The following CEMIP variants were observed in gnomAD, a reference collection of about 807,000 sequenced individuals.
The protein encoded by CEMIP is cell migration inducing hyaluronidase 1.
A neutral mutation model predicts 156.9 loss-of-function variants in CEMIP; 105 were observed. The observed-to-expected ratio is 0.67, with a 90% CI of 0.57 to 0.79. The LOEUF (loss-of-function observed/expected upper bound fraction) is 0.79, where lower values mean the gene tolerates loss of function less well. CEMIP is among the 30% of genes least tolerant of loss of function. CEMIP has a pLI of 0.00. For synonymous variants in CEMIP, 676 were observed against 668.4 expected, an observed-to-expected ratio of 1.01 and a Z score of -0.17; for missense variants, 1,457 against 1,769.4, an observed-to-expected ratio of 0.82 and a Z score of 3.17.
intron 1 of CEMIP, among the ~76,000 whole-genome samples, chr15:80,791,518 C>T (rs533567436): frequency 1.3e-5 from 2 of 152,234 alleles, no homozygotes; most frequent in South Asian, 4.1e-4. Flanking sequence ...TTTCAGGGGT[C>T]TTGTGGTTCG....
intron 1 of CEMIP, among the ~76,000 whole-genome samples, chr15:80,839,805 TA>T (rs1212656451): frequency 3.3e-5 from 5 of 152,346 alleles, no homozygotes; most frequent in Admixed American, 1.3e-4. Context: ...TCTGGCTTTT[TA>T]TTTGTCCAAT....
In CEMIP at chr15:80,947,343, C is replaced by A. The variant is rs60362950; in HGVS notation, c.3958+278C>A. 6.2e-3 allele frequency: 2,701 copies of A among 436,098 alleles called. 69 individuals carry two copies. The highest frequency in any genetic ancestry group is 0.05 in the African/African-American group (2,502 of 50,392). The allele number at this position is 436,098 out of a possible 1,614,324, so 27.0% of individuals were successfully genotyped here. ...TTGACTCATTTGCTTGGAAAGTGGC[C>A]CTTTATTCAACAAAAGTATCATAAG... On this transcript the variant is annotated intron_variant, in intron 29 of 29. Transcript: ENST00000394685.
rs779742857 is a variant in CEMIP at position 80,932,066 on chromosome 15, C to A, written c.2793+27C>A. 3 of 1,609,438 alleles carry A rather than the reference C, an allele frequency of 1.9e-6. No individual in the cohort carries two copies. Among genetic ancestry groups the A allele is most frequent in the Non-Finnish European group, 1.7e-6 (2 of 1,179,584 alleles). On this transcript the variant is annotated intron_variant, in intron 22 of 29. Coordinates refer to ENST00000394685, the MANE Select transcript of CEMIP (RefSeq NM_001293298.2). This position sits in a 1 kb window ranked among gnomAD's most constrained non-coding sequence, Gnocchi z 4.5. ...TGAGTGAGGCGCCAGGGCAGACTCC[C>A]GGCAAACCCAGACTTTGGATGGTGA...
Position 80,884,247 on chromosome 15 carries a change from G to A in CEMIP, c.690G>A (p.Arg230=). ...ATTTGAACGCGGTGCCCGATGGCAG[G>A]ATCCTTTCTGTTGCAGTGAATGATG... ...VQYLNAVPDG[R]ILSVAVNDEG... is the part of the protein sequence containing the mutation. Residue 230 remains arginine (R), a synonymous_variant, in exon 7 of 30, where the codon AGG becomes AGA. Transcript: ENST00000394685. 1 of 1,614,204 alleles carries A rather than the reference G, an allele frequency of 6.2e-7. No individual in the cohort carries two copies. The highest frequency in any genetic ancestry group is 8.5e-7 in the Non-Finnish European group (1 of 1,180,034).
chr15:80,810,814 AT>A (rs1896653508), intron 1 of CEMIP, among the ~76,000 whole-genome samples: 2 of 151,218 alleles, frequency 1.3e-5, no homozygotes, highest in Non-Finnish European at 2.9e-5. Flanking sequence ...CCATCCATCC[AT>A]CCATCCATCC....
At chr15:80,887,509 G>C (rs767387310) in intron 7 of CEMIP, among the ~76,000 whole-genome samples, 185 bp from the exon 8 acceptor site, 14 of 152,172 alleles carry the variant, frequency 9.2e-5, no homozygotes, top group Non-Finnish European at 1.6e-4. Flanking sequence ...CCAGAGGAGT[G>C]CTTGCAAAGA....
intron 1 of CEMIP, among the ~76,000 whole-genome samples, chr15:80,803,981 A>C (rs1567053078): frequency 6.6e-6 from 1 of 152,238 alleles, no homozygotes; most frequent in African/African-American, 2.4e-5. Context: ...GGGAGGCCTC[A>C]CAATGATGGT....
chr15:80,835,514 G>C (rs1448473184), intron 1 of CEMIP, among the ~76,000 whole-genome samples: 1 of 152,240 alleles, frequency 6.6e-6, no homozygotes, highest in Non-Finnish European at 1.5e-5. Flanking sequence ...CAGCCTGCAG[G>C]GGCAGCCAAT....
At chr15:80,871,311 A>G (rs571576728) in intron 1 of CEMIP, among the ~76,000 whole-genome samples, 7 of 152,368 alleles carry the variant, frequency 4.6e-5, no homozygotes, top group Middle Eastern at 3.4e-3. Context: ...CCAGTGGCTT[A>G]GACAGCTGGC....
In CEMIP at chr15:80,950,396, G is replaced by A. The variant is rs916009319; in HGVS notation, c.*1472G>A. On this transcript the variant is annotated 3_prime_UTR_variant, in exon 30 of 30. Transcript: ENST00000394685. ...TCTGGAAATGGGGACAAGTCCCCTC[G>A]AAGGAAAGGAAATGACTAGAGTAGA... The A allele has an allele frequency of 2.6e-5, 4 of 152,258 alleles. No homozygotes were observed. The highest frequency in any genetic ancestry group is 7.2e-5 in the African/African-American group (3 of 41,442). 9.4% of individuals were successfully genotyped at this position (152,258 alleles called of 1,614,324 possible). A position where few individuals can be genotyped will look rare whatever the true frequency, so the allele number is the denominator to read the frequency against.
At chr15:80,827,369 G>T (rs1163028872) in intron 1 of CEMIP, among the ~76,000 whole-genome samples, 1 of 152,190 alleles carries the variant, frequency 6.6e-6, no homozygotes, top group Non-Finnish European at 1.5e-5. Flanking sequence ...GACCTGCACA[G>T]CATGTTAAAC....
chr15:80,884,397 G>T, intron 7 of CEMIP, 43 bp downstream of exon 7: 1 of 1,591,918 alleles, frequency 6.3e-7, no homozygotes, highest in Non-Finnish European at 8.6e-7. Flanking sequence ...CTGGAACATT[G>T]AAGCCACTCT....
At position 80,881,044 on chromosome 15, in the gene CEMIP, A is replaced by C. The variant is rs139680841; in HGVS notation, c.525A>C (p.Glu175Asp). ...CCCTTCACCCAGGTGGCATGGCAGA[A>C]GGAGGCTATTTTTTTGAAAGGAGCT... ...NKTLHPGGMA[E>D]GGYFFERSWG... Residue 175 changes from glutamate (E) to aspartate (D), a missense_variant, in exon 6 of 30, where the codon GAA (glutamate) becomes GAC (aspartate). By Grantham distance (45) the Glu-to-Asp change is conservative (BLOSUM62 2). This residue lies in a region of CEMIP where 309 missense variants were observed against 340.8 expected (regional missense o/e 0.91). Coordinates refer to ENST00000394685, the MANE Select transcript of CEMIP (RefSeq NM_001293298.2). 8.1e-6 allele frequency: 13 copies of C among 1,614,220 alleles called. No homozygotes were observed. The African/African-American group carries it at 1.5e-4, about 18-fold the overall frequency.
At chr15:80,811,717 C>T (rs997112542) in intron 1 of CEMIP, among the ~76,000 whole-genome samples, 2 of 152,090 alleles carry the variant, frequency 1.3e-5, no homozygotes, top group African/African-American at 2.4e-5. Flanking sequence ...ACTAGGCCCG[C>T]CTAATGTTTT....
intron 1 of CEMIP, among the ~76,000 whole-genome samples, chr15:80,801,247 C>A (rs555480019): frequency 6.6e-6 from 1 of 152,356 alleles, no homozygotes; most frequent in South Asian, 2.1e-4. Context: ...GGTCAACCAG[C>A]TGGTTCTGCT....
At chr15:80,875,003 G>C (rs1898423272) in intron 3 of CEMIP, among the ~76,000 whole-genome samples, 3 of 146,364 alleles carry the variant, frequency 2.0e-5, no homozygotes, top group African/African-American at 7.5e-5. Context: ...CTGATCCTTA[G>C]GGGACATAGC....
intron 1 of CEMIP, among the ~76,000 whole-genome samples, chr15:80,860,121 A>G (rs1456502958): frequency 2.0e-5 from 3 of 152,210 alleles, no homozygotes; most frequent in Non-Finnish European, 4.4e-5. Flanking sequence ...CCTCTGGATG[A>G]GTCTCTCCAG....
intron 1 of CEMIP, among the ~76,000 whole-genome samples, chr15:80,844,087 C>T (rs1403664002): frequency 6.6e-6 from 1 of 152,254 alleles, no homozygotes; most frequent in Non-Finnish European, 1.5e-5. Flanking sequence ...CCCCACTTCC[C>T]TGGAAGGCAG....
In CEMIP at chr15:80,895,050, T is replaced by A. The variant is rs754882132; in HGVS notation, c.1147T>A (p.Tyr383Asn). 10 of 1,614,112 alleles carry A rather than the reference T, an allele frequency of 6.2e-6. No homozygotes were observed. Among genetic ancestry groups the A allele is most frequent in the Non-Finnish European group, 8.5e-7 (1 of 1,180,048 alleles). The change falls in exon 11 of 30, where the codon TAT becomes AAT. Residue 383 changes from tyrosine (Y) to asparagine (N), a missense_variant. Transcript: ENST00000394685. Reference protein sequence around the residue: ...TEVVYKKGQDYRFACYDRGRA... With the variant: ...TEVVYKKGQDNRFACYDRGRA... The stretch of plus-strand genomic sequence containing the variant: ...GGTTGTCTACAAAAAAGGCCAGGAT[T>A]ATAGGTTTGCTTGCTACGACCGGGG...
Sources: allele counts gnomAD v4.1 joint callset (sites outside exome capture counted in the v4.1 genomes callset), GRCh38; gene constraint gnomAD v4.1.1; regional missense constraint gnomAD v4.1.1; non-coding constraint Gnocchi (gnomAD v3.1); transcripts MANE v1.5; gene names NCBI Gene and HGNC (gene_info 2026-07-23, HGNC 2026-07-21).